The following MCF2L variants were observed in gnomAD, a reference collection of about 807,000 sequenced individuals.
MCF2L encodes guanine nucleotide exchange factor DBS.
A neutral mutation model predicts 153.4 loss-of-function variants in MCF2L; 97 were observed. The observed-to-expected ratio is 0.63, with a 90% CI of 0.54 to 0.75. MCF2L has a LOEUF of 0.75. MCF2L is among the 30% of genes least tolerant of loss of function. MCF2L has a pLI of 0.00. For missense variants in MCF2L, 1,347 were observed against 1,495.2 expected (o/e 0.90, Z 1.64); for synonymous variants, 659 against 632.2 (o/e 1.04, Z -0.64).
chr13:113,003,568 C>T (rs1166029632), intron 1 of MCF2L, among the ~76,000 whole-genome samples: 1 of 152,098 alleles, frequency 6.6e-6, no homozygotes, highest in African/African-American at 2.4e-5. Flanking sequence ...CCCTGAAGCC[C>T]TGGCCACCCC....
chr13:113,065,811 C>G (rs1261451117), intron 7 of MCF2L, among the ~76,000 whole-genome samples: 1 of 152,222 alleles, frequency 6.6e-6, no homozygotes, highest in African/African-American at 2.4e-5. Flanking sequence ...ACCCGTTGCC[C>G]TGAGTGCCCT....
At chr13:113,066,608 C>T (rs2032404016) in intron 8 of MCF2L, among the ~76,000 whole-genome samples, 1 of 152,186 alleles carries the variant, frequency 6.6e-6, no homozygotes, top group African/African-American at 2.4e-5. Context: ...CTCCCTTGGG[C>T]TTCCAGCTTT....
chr13:113,077,012 C>G, intron 12 of MCF2L, 40 bp from the exon 13 acceptor site: 2 of 1,576,052 alleles, frequency 1.3e-6, no homozygotes, highest in Non-Finnish European at 1.7e-6. Flanking sequence ...AGTGATGACA[C>G]CAACATGTGC....
chr13:113,023,425 C>T lies in MCF2L; in HGVS notation c.164-1219C>T, dbSNP rs546663771. On this transcript the variant is annotated intron_variant, in intron 2 of 29. Transcript: ENST00000535094. ...TGGATGGTAAAGCCGCCCTGCCTGG[C>T]GTGGCTGGGCTTGGCCAAGACCCAG... Among the ~76,000 whole-genome samples the T allele has an allele frequency of 9.8e-5, 15 of 152,286 alleles. No individual in the cohort carries two copies. In the East Asian group the frequency reaches 2.3e-3, roughly 24 times the overall value.
At chr13:112,959,471 C>T (rs540207148) in intron 2 of MCF2L, among the ~76,000 whole-genome samples, 5 of 152,202 alleles carry the variant, frequency 3.3e-5, no homozygotes, top group East Asian at 3.9e-4. Context: ...TGTTCCTTCT[C>T]GAGAACACAG....
chr13:113,003,181 A>G (rs116796730), intron 1 of MCF2L, among the ~76,000 whole-genome samples: 10,651 of 151,930 alleles, frequency 0.07, 1,165 homozygotes, highest in African/African-American at 0.23. Flanking sequence ...GCAGGTGGCC[A>G]CCCCAGGTTA....
intron 2 of MCF2L, among the ~76,000 whole-genome samples, chr13:112,947,244 T>C (rs532342337): frequency 1.3e-5 from 2 of 152,284 alleles, no homozygotes; most frequent in African/African-American, 4.8e-5. Context: ...CGTGTGATTT[T>C]TGAGGGGACA....
At chr13:112,980,699 A>T (rs1275744549) in intron 1 of MCF2L, among the ~76,000 whole-genome samples, 4 of 63,458 alleles carry the variant, frequency 6.3e-5, no homozygotes, top group African/African-American at 1.5e-4. Flanking sequence ...AACACTGAGG[A>T]GGGCTGTGTC....
At position 113,099,080 on chromosome 13, in the gene MCF2L, C is replaced by T. The variant is rs2035825949; in HGVS notation, c.*2221C>T. ...ATTGGAGATTTAAAATAAAAGAAGA[C>T]AGAACAGACAAACACCATAAGAAAG... On this transcript the variant is annotated 3_prime_UTR_variant, in exon 30 of 30. Coordinates refer to ENST00000535094, the MANE Select transcript of MCF2L (RefSeq NM_001112732.3). 6.6e-6 allele frequency: 1 copy of T among 152,198 alleles called. No individual in the cohort carries two copies. The highest frequency in any genetic ancestry group is 1.5e-5 in the Non-Finnish European group (1 of 68,052). 9.4% of individuals were successfully genotyped at this position (152,198 alleles called of 1,614,324 possible). A position where few individuals can be genotyped will look rare whatever the true frequency, so the allele number is the denominator to read the frequency against.
intron 3 of MCF2L, among the ~76,000 whole-genome samples, chr13:113,039,106 T>A (rs2086327588): frequency 6.6e-6 from 1 of 152,058 alleles, no homozygotes; most frequent in Non-Finnish European, 1.5e-5. Flanking sequence ...TGATCCGCCC[T>A]CCTCAGCCTC....
chr13:112,997,218 T>A (rs1372935067), intron 1 of MCF2L, among the ~76,000 whole-genome samples: 5 of 152,014 alleles, frequency 3.3e-5, no homozygotes, highest in Non-Finnish European at 5.9e-5. Flanking sequence ...CCACTGTGGG[T>A]CTGGCCCAGG....
At chr13:112,974,948 G>A (rs538725308) in intron 1 of MCF2L, among the ~76,000 whole-genome samples, 67 of 152,266 alleles carry the variant, frequency 4.4e-4, no homozygotes, top group African/African-American at 1.5e-3. Flanking sequence ...TTCCTCCGCC[G>A]CCTACGACGT....
chr13:112,999,785 C>G (rs919195739), intron 1 of MCF2L, among the ~76,000 whole-genome samples: 1 of 152,320 alleles, frequency 6.6e-6, no homozygotes, highest in South Asian at 2.1e-4. Context: ...CGTGTGGCAC[C>G]GTGATCTGCT....
chr13:113,073,242 G>A (rs764628852), intron 9 of MCF2L, among the ~76,000 whole-genome samples: 5 of 152,108 alleles, frequency 3.3e-5, no homozygotes, highest in Non-Finnish European at 5.9e-5. Context: ...CCAAGAATAT[G>A]GTCTTTCTTG....
In MCF2L at chr13:112,904,675, G is replaced by C. The variant is rs973769443; in HGVS notation, c.169+2304G>C. Among the ~76,000 whole-genome samples, 6 of 152,228 alleles carry C rather than the reference G, an allele frequency of 3.9e-5. No individual in the cohort carries two copies. The highest frequency in any genetic ancestry group is 2.1e-4 in the South Asian group (1 of 4,832). ...TGGAAGATAATCTGCTTAGAGTTCTGAGCGGTGAAGCCCTTCTGGCTGTCC... is the reference window on the plus strand; with the variant it reads ...TGGAAGATAATCTGCTTAGAGTTCTCAGCGGTGAAGCCCTTCTGGCTGTCC... On this transcript the variant is annotated intron_variant, in intron 2 of 29. Coordinates refer to the MCF2L transcript ENST00000375608. This position sits in a 1 kb window ranked among gnomAD's most constrained non-coding sequence, Gnocchi z 4.2.
rs539013697 is a variant in MCF2L, at chr13:113,031,827, A to T, written c.278+7069A>T. 6.6e-6 allele frequency among the ~76,000 whole-genome samples: 1 copy of T among 152,068 alleles called. No individual in the cohort carries two copies. The highest frequency in any genetic ancestry group is 1.5e-5 in the Non-Finnish European group (1 of 67,994). On this transcript the variant is annotated intron_variant, in intron 3 of 29. Transcript: ENST00000535094. The surrounding 1 kb of genome is among the most constrained non-coding windows in gnomAD (Gnocchi z 5.5). The stretch of plus-strand genomic sequence containing the variant: ...TTCAGCCCATAAGAGGCATGTACAC[A>T]TACAGATGCACACACGCACCTACAC...
At chr13:112,989,627 C>G (rs1405883561) in intron 1 of MCF2L, among the ~76,000 whole-genome samples, 1 of 27,958 alleles carries the variant, frequency 3.6e-5, no homozygotes, top group African/African-American at 1.3e-4. Flanking sequence ...CTACCACGCC[C>G]GAGTCCTCCC....
At chr13:113,081,750 T>C (rs890783263) in intron 16 of MCF2L, among the ~76,000 whole-genome samples, 9 of 152,284 alleles carry the variant, frequency 5.9e-5, no homozygotes, top group African/African-American at 2.2e-4. Context: ...CAGGTAGTGA[T>C]CACCTGAGTG....
At chr13:113,041,400 G>T (rs1232485164) in intron 3 of MCF2L, among the ~76,000 whole-genome samples, 1 of 152,184 alleles carries the variant, frequency 6.6e-6, no homozygotes, top group Non-Finnish European at 1.5e-5. Flanking sequence ...CCGTGGGGGG[G>T]CGGGGAATCA....
Sources: allele counts gnomAD v4.1 joint callset (sites outside exome capture counted in the v4.1 genomes callset), GRCh38; gene constraint gnomAD v4.1.1; non-coding constraint Gnocchi (gnomAD v3.1); transcripts MANE v1.5; gene names NCBI Gene and HGNC (gene_info 2026-07-23, HGNC 2026-07-21).